PLAAT1: variants seen among roughly 807,000 people sequenced by gnomAD.
The protein encoded by PLAAT1 is H-REV107 protein-related protein.
A neutral mutation model predicts 16.4 loss-of-function variants in PLAAT1; 13 were observed. The observed-to-expected ratio is 0.79, with a 90% CI of 0.52 to 1.26. The LOEUF (loss-of-function observed/expected upper bound fraction) is 1.26, where lower values mean the gene tolerates loss of function less well. Among genes scored for constraint, PLAAT1 ranks in the 50% most tolerant of loss-of-function variants. The probability of loss-of-function intolerance (pLI) is 0.00; values close to 1 mark genes in which losing one functional copy is unlikely to be tolerated. For synonymous variants in PLAAT1, 73 were observed against 78.4 expected (o/e 0.93, Z 0.36); for missense variants, 218 against 207.8 (o/e 1.05, Z -0.30).
intron 3 of PLAAT1, among the ~76,000 whole-genome samples, chr3:193,266,328 A>G (rs1213432472): frequency 1.3e-5 from 2 of 152,232 alleles, no homozygotes; most frequent in African/African-American, 4.8e-5. Flanking sequence ...AGTCTTCAGT[A>G]AAGTGGTTAC....
downstream of PLAAT1, chr3:193,275,420 G>A: frequency 1.7e-6 from 2 of 1,156,096 alleles, no homozygotes; most frequent in South Asian, 1.5e-5. Context: ...GCTCATTGCT[G>A]TTGCATCTAC....
downstream of PLAAT1, among the ~76,000 whole-genome samples, chr3:193,280,113 C>T (rs1053085752): frequency 1.3e-5 from 2 of 151,166 alleles, no homozygotes; most frequent in South Asian, 2.1e-4. Context: ...TGCAGTGGCA[C>T]GATCTTGGCT....
downstream of PLAAT1, chr3:193,275,214 T>C (rs1322012626): frequency 1.2e-6 from 2 of 1,614,230 alleles, no homozygotes; most frequent in Admixed American, 3.3e-5. Context: ...TGCTAGCTTC[T>C]TTTGCCAAGT....
At chr3:193,254,059 A>G (rs897156956) in intron 1 of PLAAT1, among the ~76,000 whole-genome samples, 20 of 152,166 alleles carry the variant, frequency 1.3e-4, no homozygotes, top group African/African-American at 4.8e-4. Context: ...TTTCCTTTTA[A>G]TACCCATGTG....
chr3:193,275,970 A>T (rs923743833), intron 2 of PLAAT1, among the ~76,000 whole-genome samples: 2 of 150,162 alleles, frequency 1.3e-5, no homozygotes. Flanking sequence ...ATAGCTATTT[A>T]AACAAACAGC....
rs928367192 is a variant in PLAAT1, at chr3:193,241,399, G to A, written c.-135G>A. 35 of 1,231,636 alleles carry A rather than the reference G, an allele frequency of 2.8e-5. No homozygotes were observed. Among genetic ancestry groups the A allele is most frequent in the Non-Finnish European group, 3.5e-5 (35 of 988,024 alleles). The allele number at this position is 1,231,636 out of a possible 1,614,324, so 76.3% of individuals were successfully genotyped here. On this transcript the variant is annotated 5_prime_UTR_variant, in exon 1 of 4. Transcript: ENST00000264735. ...GAGTGATGGCTGGCGCCTGCCTCCC[G>A]GGTGTCTCCCGGGTACAGATGGAGT... is the stretch of plus-strand genomic sequence containing the variant.
chr3:193,259,395 A>G (rs1716503524), intron 2 of PLAAT1, among the ~76,000 whole-genome samples: 1 of 152,130 alleles, frequency 6.6e-6, no homozygotes, highest in East Asian at 1.9e-4. Flanking sequence ...GGCAAGAGAA[A>G]GAAATAAAAG....
At chr3:193,241,153 C>A, upstream of PLAAT1, 1 of 1,168,426 alleles carries the variant, frequency 8.6e-7, no homozygotes, top group Non-Finnish European at 1.1e-6. Context: ...AAGCTGGGCT[C>A]GGGGCCAAGC....
intron 2 of PLAAT1, chr3:193,276,900 T>C: frequency 8.9e-7 from 1 of 1,128,028 alleles, no homozygotes; most frequent in East Asian, 2.6e-5. Flanking sequence ...ATATTAATTA[T>C]TTAATTTATA....
At chr3:193,276,899 A>T in intron 2 of PLAAT1, 3 of 1,130,508 alleles carry the variant, frequency 2.7e-6, no homozygotes, top group Non-Finnish European at 3.9e-6. Flanking sequence ...CATATTAATT[A>T]TTTAATTTAT....
intron 2 of PLAAT1, among the ~76,000 whole-genome samples, chr3:193,277,435 T>C (rs1181514255): frequency 6.6e-6 from 1 of 152,154 alleles, no homozygotes; most frequent in African/African-American, 2.4e-5. Context: ...GCTGCATCCA[T>C]AGCAAAAGGC....
At chr3:193,242,898 G>T (rs1430536647) in intron 1 of PLAAT1, among the ~76,000 whole-genome samples, 5 of 152,182 alleles carry the variant, frequency 3.3e-5, no homozygotes, top group Non-Finnish European at 7.3e-5. Flanking sequence ...CTGCGATTGT[G>T]TTTCAGACTT....
chr3:193,269,603 T>C (rs1716916299), intron 3 of PLAAT1, among the ~76,000 whole-genome samples: 1 of 152,238 alleles, frequency 6.6e-6, no homozygotes, highest in Non-Finnish European at 1.5e-5. Flanking sequence ...TGGGTTAGGC[T>C]TTCCAGCTCT....
At chr3:193,241,846 T>C (rs1442855488) in intron 1 of PLAAT1, among the ~76,000 whole-genome samples, 1 of 152,218 alleles carries the variant, frequency 6.6e-6, no homozygotes, top group Non-Finnish European at 1.5e-5. Flanking sequence ...GAAAGTTGGA[T>C]GGTGATATTC....
At chr3:193,241,001 G>A (rs1715701288), upstream of PLAAT1, 1 of 363,076 alleles carries the variant, frequency 2.8e-6, no homozygotes. Context: ...AGACGCGGGT[G>A]CGGAGCCGGG....
At chr3:193,249,301 C>CTAAGA (rs1255119281) in intron 1 of PLAAT1, among the ~76,000 whole-genome samples, 6 of 151,926 alleles carry the variant, frequency 3.9e-5, no homozygotes, top group Non-Finnish European at 8.8e-5. Flanking sequence ...TGGATTCATC[C>CTAAGA]TGTTAGATGT....
chr3:193,260,313 A>G (rs1269329367), intron 2 of PLAAT1, among the ~76,000 whole-genome samples: 8 of 152,184 alleles, frequency 5.3e-5, no homozygotes, highest in Non-Finnish European at 1.2e-4. Context: ...ATTTATGTCT[A>G]AGTCTCCAAA....
intron 1 of PLAAT1, among the ~76,000 whole-genome samples, chr3:193,243,832 G>C (rs993953112): frequency 6.6e-6 from 1 of 152,134 alleles, no homozygotes; most frequent in Non-Finnish European, 1.5e-5. Context: ...CCCACTTGTT[G>C]GCCTTTTATA....
intron 2 of PLAAT1, among the ~76,000 whole-genome samples, chr3:193,257,545 G>A (rs1450616558): frequency 6.6e-6 from 1 of 152,100 alleles, no homozygotes; most frequent in Non-Finnish European, 1.5e-5. Flanking sequence ...AAACAGAAAT[G>A]AATACAAAGA....
Sources: allele counts gnomAD v4.1 joint callset (sites outside exome capture counted in the v4.1 genomes callset), GRCh38; gene constraint gnomAD v4.1.1; transcripts MANE v1.5; gene names NCBI Gene and HGNC (gene_info 2026-07-23, HGNC 2026-07-21).